The following MRPL44 variants were observed in gnomAD, a reference collection of about 807,000 sequenced individuals.
MRPL44 encodes the protein mitochondrial ribosomal protein L44, also known as large ribosomal subunit protein mL44.
MRPL44 carries 21 observed loss-of-function variants against 25.9 expected under a neutral mutation model. That is an observed-to-expected ratio of 0.81 (90% CI 0.58 to 1.17). The LOEUF (loss-of-function observed/expected upper bound fraction) is 1.17. MRPL44 is among the 50% of genes most tolerant of loss of function. The probability of loss-of-function intolerance (pLI) is 0.00; values close to 1 mark genes in which losing one functional copy is unlikely to be tolerated. For synonymous variants in MRPL44, 169 were observed against 151.0 expected (o/e 1.12, Z -0.87); for missense variants, 410 against 398.9 (o/e 1.03, Z -0.24).
intron 2 of MRPL44, among the ~76,000 whole-genome samples, chr2:223,963,350 G>GGA (rs1308678103): frequency 2.6e-5 from 4 of 152,052 alleles, no homozygotes; most frequent in Non-Finnish European, 4.4e-5. Flanking sequence ...GGCTGAGCTA[G>GGA]GAGGATTGCT....
intron 1 of MRPL44, 69 bp from the exon 2 acceptor site, chr2:223,959,465 G>A: frequency 2.5e-6 from 3 of 1,213,380 alleles, no homozygotes; most frequent in Admixed American, 2.3e-5. Context: ...TTACAACACA[G>A]TGAACAATTT....
intron 1 of MRPL44, among the ~76,000 whole-genome samples, chr2:223,958,438 G>T (rs1689605484): frequency 6.6e-6 from 1 of 152,096 alleles, no homozygotes; most frequent in African/African-American, 2.4e-5. Context: ...CAGTAGGAAC[G>T]GTCTTCTAAC....
upstream of MRPL44, among the ~76,000 whole-genome samples, chr2:223,952,781 C>T (rs1021443390): frequency 1.3e-5 from 2 of 152,128 alleles, no homozygotes; most frequent in Non-Finnish European, 2.9e-5. Context: ...TGTTTCTGTC[C>T]CTCATTTGCA....
chr2:223,952,291 G>A, the MRPL44 span, among the ~76,000 whole-genome samples: 3 of 152,158 alleles, frequency 2.0e-5, no homozygotes, highest in Non-Finnish European at 2.9e-5. Context: ...TGTGGCTCCA[G>A]TCCCCACTGG....
rs973406406 is a variant in MRPL44 at position 223,960,073 on chromosome 2, T to C, written c.648+71T>C. 2.0e-5 allele frequency: 25 copies of C among 1,263,952 alleles called. No homozygotes were observed. The Admixed American group carries it at 5.2e-4, about 27-fold the overall frequency. 78.3% of individuals were successfully genotyped at this position (1,263,952 alleles called of 1,614,324 possible). A position where few individuals can be genotyped will look rare whatever the true frequency, so the allele number is the denominator to read the frequency against. On this transcript the variant is annotated intron_variant, in intron 2 of 3. Transcript: ENST00000258383. The stretch of plus-strand genomic sequence containing the variant: ...AATATTCTTTTGTAATTCACTTCTT[T>C]GATATATCACCTTGGAAGTGAATTT...
chr2:223,953,603 A>G (rs973066282), upstream of MRPL44, among the ~76,000 whole-genome samples: 14 of 152,242 alleles, frequency 9.2e-5, no homozygotes, highest in Admixed American at 6.5e-5. Context: ...AAAGAAGTCT[A>G]CAGTGATTTA....
the MRPL44 span, among the ~76,000 whole-genome samples, chr2:223,951,811 T>A: frequency 6.6e-6 from 1 of 152,132 alleles, no homozygotes; most frequent in Non-Finnish European, 1.5e-5. Context: ...TAAATGTCTA[T>A]CCCGCCATCA....
chr2:223,962,731 C>T (rs1464394187), intron 2 of MRPL44, among the ~76,000 whole-genome samples: 1 of 151,982 alleles, frequency 6.6e-6, no homozygotes, highest in African/African-American at 2.4e-5. Flanking sequence ...CAGAGTCTTG[C>T]CGTGTTGCCC....
chr2:223,952,200 G>A, the MRPL44 span, among the ~76,000 whole-genome samples: 1 of 152,174 alleles, frequency 6.6e-6, no homozygotes, highest in African/African-American at 2.4e-5. Flanking sequence ...GGAGGCAGTG[G>A]TGGGACATTG....
At chr2:223,960,957 G>A (rs1253982869) in intron 2 of MRPL44, among the ~76,000 whole-genome samples, 2 of 152,218 alleles carry the variant, frequency 1.3e-5, no homozygotes, top group Non-Finnish European at 2.9e-5. Context: ...AAGATCTTAT[G>A]AAACATAGAT....
At chr2:223,957,043 A>G (rs1689573354), upstream of MRPL44, among the ~76,000 whole-genome samples, 1 of 152,268 alleles carries the variant, frequency 6.6e-6, no homozygotes, top group Non-Finnish European at 1.5e-5. Context: ...ATACTTGCTC[A>G]GTAGTGGCCT....
At chr2:223,962,858 C>T (rs1352577951) in intron 2 of MRPL44, among the ~76,000 whole-genome samples, 3 of 151,948 alleles carry the variant, frequency 2.0e-5, no homozygotes, top group Non-Finnish European at 4.4e-5. Flanking sequence ...TGCAGCATCA[C>T]GCCTGGCTAA....
upstream of MRPL44, chr2:223,957,304 C>G: frequency 4.0e-6 from 3 of 754,752 alleles, no homozygotes; most frequent in Admixed American, 2.6e-5. Context: ...GCAATCACCC[C>G]GCCCCGGGGC....
In MRPL44 at chr2:223,963,922, T is replaced by C. The variant is rs373056721; in HGVS notation, c.815T>C (p.Val272Ala). The C allele has an allele frequency of 8.1e-6, 13 of 1,613,074 alleles. No individual in the cohort carries two copies. In the African/African-American group the frequency reaches 1.5e-4, roughly 18 times the overall value. Residue 272 changes from valine (V) to alanine (A), a missense_variant, in exon 3 of 4, where the codon GTT becomes GCT. Transcript: ENST00000258383. ...GGTTALPLYF[V>A]GLYCDKKLIA... Reference sequence around the variant, plus strand: ...ACCACAGCTTTGCCTTTGTATTTTGTTGGCTTATACTGGTTAGTGAAATTT... The same window carrying C: ...ACCACAGCTTTGCCTTTGTATTTTGCTGGCTTATACTGGTTAGTGAAATTT...
chr2:223,951,497 T>TTTTTTTTTTTTTC, the MRPL44 span, among the ~76,000 whole-genome samples: 2 of 148,612 alleles, frequency 1.3e-5, no homozygotes, highest in African/African-American at 5.1e-5. Context: ...TTTTTTTTTT[T>TTTTTTTTTTTTTC]CAGACAGAGT....
upstream of MRPL44, among the ~76,000 whole-genome samples, chr2:223,954,944 G>A (rs1242930983): frequency 1.3e-5 from 2 of 152,142 alleles, no homozygotes; most frequent in African/African-American, 2.4e-5. Context: ...TAACATTGAT[G>A]CATTTTTTTT....
rs2106116675 is a variant in MRPL44, at chr2:223,959,874, G to C, written c.520G>C (p.Ala174Pro). The change falls in exon 2 of 4, where the codon GCT (alanine) becomes CCT (proline). Residue 174 changes from alanine to proline, a missense_variant. By Grantham distance (27) the Ala-to-Pro change is conservative (BLOSUM62 -1). Coordinates refer to ENST00000258383, the MANE Select transcript of MRPL44 (RefSeq NM_022915.5). ...EVVCHVARNL[A>P]VEQLTLSEEF... ...CGTGTGTCACGTGGCTAGAAACTTG[G>C]CTGTGGAGCAGTTAACACTGAGTGA... The C allele has an allele frequency of 6.2e-7, 1 of 1,614,130 alleles. No individual in the cohort carries two copies. Among genetic ancestry groups the C allele is most frequent in the Non-Finnish European group, 8.5e-7 (1 of 1,180,022 alleles).
the MRPL44 span, among the ~76,000 whole-genome samples, chr2:223,951,487 T>TTTTTTTGTTTG: frequency 7.9e-5 from 11 of 139,570 alleles, no homozygotes; most frequent in East Asian, 1.4e-3. Context: ...AGTTTTTTTT[T>TTTTTTTGTTTG]TTTTTTTTTT....
upstream of MRPL44, chr2:223,957,352 G>C (rs1345145406): frequency 1.3e-5 from 17 of 1,299,342 alleles, no homozygotes; most frequent in East Asian, 2.4e-5. Context: ...GCCCCGCCCC[G>C]GGGGCTGTCT....
Sources: gnomAD v4.1 joint callset for allele counts (sites outside exome capture counted in the v4.1 genomes callset) on GRCh38, gnomAD v4.1.1 for gene constraint, MANE v1.5 for transcripts, NCBI Gene and HGNC (gene_info 2026-07-23, HGNC 2026-07-21) for gene names.